The following MAN1C1 variants were observed in gnomAD, a reference collection of about 807,000 sequenced individuals.
The protein encoded by MAN1C1 is mannosyl-oligosaccharide 1,2-alpha-mannosidase IC.
Under a neutral mutation model 71.5 loss-of-function variants are expected in MAN1C1, and 49 were observed. The observed-to-expected ratio is 0.69, with a 90% confidence interval of 0.54 to 0.87. The LOEUF (loss-of-function observed/expected upper bound fraction) is 0.87. MAN1C1 is among the 40% of genes least tolerant of loss of function. The pLI, the probability that MAN1C1 is intolerant of heterozygous loss-of-function variation, is 0.00. For missense variants in MAN1C1, 743 were observed against 835.0 expected, an observed-to-expected ratio of 0.89 and a Z score of 1.36; for synonymous variants, 352 against 343.7, an observed-to-expected ratio of 1.02 and a Z score of -0.27.
intron 2 of MAN1C1, among the ~76,000 whole-genome samples, chr1:25,734,810 C>G (rs2124309758): frequency 6.6e-6 from 1 of 152,286 alleles, no homozygotes; most frequent in East Asian, 1.9e-4. Flanking sequence ...CACTCCCTGC[C>G]TGGAATGGAC....
intron 1 of MAN1C1, among the ~76,000 whole-genome samples, chr1:25,676,369 C>T (rs564855362): frequency 2.6e-5 from 4 of 152,290 alleles, no homozygotes; most frequent in South Asian, 2.1e-4. Flanking sequence ...AAACCCCACC[C>T]GTGCCCAGCT....
At chr1:25,646,160 G>A (rs1252250080) in intron 1 of MAN1C1, 2 of 152,316 alleles carry the variant, frequency 1.3e-5, no homozygotes, top group Admixed American at 1.3e-4. Flanking sequence ...TCTTGCATAG[G>A]TGCGGAAAGC....
At chr1:25,719,075 A>ATTG (rs2046723854) in intron 2 of MAN1C1, among the ~76,000 whole-genome samples, 1 of 146,494 alleles carries the variant, frequency 6.8e-6, no homozygotes, top group Non-Finnish European at 1.5e-5. Flanking sequence ...TATTATTATT[A>ATTG]TTATTATTAT....
At chr1:25,703,873 G>C (rs1283426382) in intron 2 of MAN1C1, among the ~76,000 whole-genome samples, 1 of 152,144 alleles carries the variant, frequency 6.6e-6, no homozygotes, top group East Asian at 1.9e-4. Context: ...TTTCCTTCAT[G>C]GCCACCCAGA....
intron 2 of MAN1C1, among the ~76,000 whole-genome samples, chr1:25,722,914 A>T (rs1431792584): frequency 6.6e-6 from 1 of 152,216 alleles, no homozygotes; most frequent in Non-Finnish European, 1.5e-5. Context: ...TTCTGCATAG[A>T]AAATGTTTTC....
At chr1:25,726,505 CA>C (rs954557458) in intron 2 of MAN1C1, among the ~76,000 whole-genome samples, 1 of 152,142 alleles carries the variant, frequency 6.6e-6, no homozygotes, top group African/African-American at 2.4e-5. Context: ...AGCATGTGTG[CA>C]TTTTATACCC....
At chr1:25,747,982 TTGTG>T (rs1385150346) in intron 3 of MAN1C1, among the ~76,000 whole-genome samples, 4 of 152,114 alleles carry the variant, frequency 2.6e-5, no homozygotes, top group Non-Finnish European at 5.9e-5. Flanking sequence ...TTCTGGTTGT[TTGTG>T]TGAGGCCAAG....
intron 1 of MAN1C1, among the ~76,000 whole-genome samples, chr1:25,638,125 C>T (rs2045488998): frequency 6.6e-6 from 1 of 151,644 alleles, no homozygotes; most frequent in African/African-American, 2.4e-5. Context: ...CTTTTCATGC[C>T]TTCTTTTGAA....
chr1:25,618,023 C>A lies in MAN1C1; in HGVS notation c.226C>A (p.Arg76Ser). ...TGAAATCGCCGGCCATGCCCCGGCC[C>A]GCGAGCAGGAGCCGCCTCCCAACCC... ...VAEIAGHAPA[R>S]EQEPPPNPAP... Residue 76 changes from arginine (R) to serine (S), a missense_variant, in exon 1 of 12, where the codon CGC (arginine) becomes AGC (serine). Physicochemically the swap from Arg to Ser is moderately radical, Grantham distance 110. Coordinates refer to ENST00000374332, the MANE Select transcript of MAN1C1 (RefSeq NM_020379.4). The A allele has an allele frequency of 6.3e-7, 1 of 1,597,096 alleles. No individual in the cohort carries two copies. Among genetic ancestry groups the A allele is most frequent in the Non-Finnish European group, 8.5e-7 (1 of 1,174,426 alleles).
Position 25,738,564 on chromosome 1 carries a change from G to C in MAN1C1, c.638-8104G>C, listed in dbSNP as rs755291012. ...AGTAATTCAGAAAGGGCACAACAGG[G>C]GACAGCTTGTCTCTGTGCAGTCATG... On this transcript the variant is annotated intron_variant, in intron 2 of 11. Transcript: ENST00000374332. 3.9e-5 allele frequency among the ~76,000 whole-genome samples: 6 copies of C among 152,196 alleles called. No homozygotes were observed. The South Asian group carries it at 8.3e-4, about 21-fold the overall frequency.
intron 1 of MAN1C1, among the ~76,000 whole-genome samples, chr1:25,683,070 A>T (rs2046177621): frequency 6.6e-6 from 1 of 151,804 alleles, no homozygotes; most frequent in Non-Finnish European, 1.5e-5. Context: ...ACTATTAAGG[A>T]ACTTCCCAGG....
chr1:25,744,763 GA>G (rs2047105713), intron 2 of MAN1C1, among the ~76,000 whole-genome samples: 1 of 152,188 alleles, frequency 6.6e-6, no homozygotes, highest in Non-Finnish European at 1.5e-5. Context: ...GAGCAGTTAG[GA>G]AGCACTCATT....
At position 25,776,039 on chromosome 1, in the gene MAN1C1, A is replaced by G. The variant is rs2047614925; in HGVS notation, c.1258-2066A>G. On this transcript the variant is annotated intron_variant, in intron 8 of 11. Transcript: ENST00000374332. The surrounding 1 kb of genome is among the most constrained non-coding windows in gnomAD (Gnocchi z 4.3). The stretch of plus-strand genomic sequence containing the variant: ...GTAGCTGGGACTACAGGTATGCACT[A>G]CCGTGCCTGGCTAATTCTTATATTT... The G allele has an allele frequency of 6.6e-6, 1 of 152,070 alleles. No homozygotes were observed. The highest frequency in any genetic ancestry group is 6.5e-5 in the Admixed American group (1 of 15,280). The allele number at this position is 152,070 out of a possible 1,614,324, so 9.4% of individuals were successfully genotyped here.
intron 10 of MAN1C1, 63 bp downstream of exon 10, chr1:25,781,175 T>C: frequency 6.4e-7 from 1 of 1,573,478 alleles, no homozygotes; most frequent in Non-Finnish European, 8.7e-7. Context: ...ACAGGCTGGG[T>C]GCTAGGTGCC....
At chr1:25,781,920 G>A (rs1172864625) in intron 10 of MAN1C1, among the ~76,000 whole-genome samples, 3 of 152,094 alleles carry the variant, frequency 2.0e-5, no homozygotes, top group Admixed American at 1.3e-4. Flanking sequence ...CATCTATACA[G>A]AAAAATACAA....
chr1:25,654,153 C>G (rs1196277566), intron 1 of MAN1C1: 1 of 152,292 alleles, frequency 6.6e-6, no homozygotes, highest in Non-Finnish European at 1.5e-5. Context: ...CCTTCATCCC[C>G]CAACCCGAGT....
chr1:25,678,651 A>G (rs1360120146), intron 1 of MAN1C1, among the ~76,000 whole-genome samples: 2 of 152,226 alleles, frequency 1.3e-5, no homozygotes, highest in South Asian at 2.1e-4. Context: ...TCACTATGGC[A>G]TTATTTACAA....
At position 25,746,807 on chromosome 1, in the gene MAN1C1, G is replaced by A. The variant is rs1191649214; in HGVS notation, c.753+24G>A. The A allele has an allele frequency of 7.7e-7, 1 of 1,305,834 alleles. No homozygotes were observed. The highest frequency in any genetic ancestry group is 1.1e-6 in the Non-Finnish European group (1 of 920,884). The allele number at this position is 1,305,834 out of a possible 1,614,324, so 80.9% of individuals were successfully genotyped here. Reference sequence around the variant, plus strand: ...TGGTGAGTCAGAGGCCCTCGGCGGGGGAGGGGGGCGGGGGCCAGAAGAGGC... The same window carrying A: ...TGGTGAGTCAGAGGCCCTCGGCGGGAGAGGGGGGCGGGGGCCAGAAGAGGC... On this transcript the variant is annotated intron_variant, in intron 3 of 11. Transcript: ENST00000374332. This position sits in a 1 kb window ranked among gnomAD's most constrained non-coding sequence, Gnocchi z 4.0.
intron 1 of MAN1C1, chr1:25,646,319 C>T (rs2045612881): frequency 6.6e-6 from 1 of 152,302 alleles, no homozygotes; most frequent in African/African-American, 2.4e-5. Flanking sequence ...GGGCCCAGGC[C>T]TGGCCGCTTG....
Sources: allele counts gnomAD v4.1 joint callset (sites outside exome capture counted in the v4.1 genomes callset), GRCh38; gene constraint gnomAD v4.1.1; non-coding constraint Gnocchi (gnomAD v3.1); transcripts MANE v1.5; gene names NCBI Gene and HGNC (gene_info 2026-07-23, HGNC 2026-07-21).